Variants in CLCA4 observed in about 807,000 individuals in gnomAD.
CLCA4 encodes chloride channel accessory 4, also known as calcium-activated chloride channel regulator 4.
Under a neutral mutation model 78.9 loss-of-function variants are expected in CLCA4, and 69 were observed. That is an observed-to-expected ratio of 0.87 (90% CI 0.72 to 1.07). The LOEUF (loss-of-function observed/expected upper bound fraction) is 1.07, where lower values mean the gene tolerates loss of function less well. CLCA4 is among the 50% of genes least tolerant of loss of function. The probability of loss-of-function intolerance (pLI) is 0.00; values close to 1 mark genes in which losing one functional copy is unlikely to be tolerated. For synonymous variants in CLCA4, 362 were observed against 375.8 expected, an observed-to-expected ratio of 0.96 and a Z score of 0.42; for missense variants, 1,133 against 1,095.8, an observed-to-expected ratio of 1.03 and a Z score of -0.48.
chr1:86,558,875 T>A (rs1333816378), intron 1 of CLCA4, among the ~76,000 whole-genome samples: 1 of 152,140 alleles, frequency 6.6e-6, no homozygotes, highest in Non-Finnish European at 1.5e-5. Flanking sequence ...CAGCTTCCAA[T>A]CTCTTCTGGC....
In CLCA4 at chr1:86,567,479, C is replaced by CTTTG. The variant is rs1233024541; in HGVS notation, c.1011_1012insTTGT (p.Val338LeufsTer3). On this transcript the variant is annotated frameshift_variant, in exon 7 of 14. Transcript: ENST00000370563. LOFTEE classifies it high-confidence loss of function. ...GCAGCAAAACATTTCCTGCTGCAGA[C>CTTTG]TGTTGAAAATGGATCCTGGGTGGGG... 6.2e-7 allele frequency: 1 copy of CTTTG among 1,613,220 alleles called. No individual in the cohort carries two copies. Among genetic ancestry groups the CTTTG allele is most frequent in the Non-Finnish European group, 8.5e-7 (1 of 1,179,490 alleles).
At position 86,580,316 on chromosome 1, in the gene CLCA4, G is replaced by A; in HGVS notation, c.2731G>A (p.Val911Ile). Residue 911 changes from valine to isoleucine, a missense_variant, in exon 14 of 14, where the codon GTT becomes ATT. Transcript: ENST00000370563. Reference protein sequence around the residue: ...VLSVIGSVVIVNFILSTTI With the variant: ...VLSVIGSVVIINFILSTTI ...GTCTGTGATTGGGTCTGTTGTAATT[G>A]TTAACTTTATTTTAAGTACCACCAT... 1.3e-6 allele frequency: 2 copies of A among 1,596,374 alleles called. No homozygotes were observed. Among genetic ancestry groups the A allele is most frequent in the Non-Finnish European group, 1.7e-6 (2 of 1,173,762 alleles).
intron 1 of CLCA4, among the ~76,000 whole-genome samples, chr1:86,555,414 A>G (rs1649808466): frequency 6.6e-6 from 1 of 152,196 alleles, no homozygotes; most frequent in Non-Finnish European, 1.5e-5. Context: ...TTCAATCTGC[A>G]TATGGTTAGC....
chr1:86,569,099 G>A (rs1050299388), intron 7 of CLCA4, among the ~76,000 whole-genome samples: 7 of 152,058 alleles, frequency 4.6e-5, no homozygotes, highest in African/African-American at 1.7e-4. Context: ...TATGGTACAT[G>A]TATATAAGTG....
At chr1:86,553,171 G>GGCAC in intron 1 of CLCA4, 1 of 1,109,206 alleles carries the variant, frequency 9.0e-7, no homozygotes. Context: ...AGGATTGAGC[G>GGCAC]GCACAGGTTG....
rs557227689 is a variant in CLCA4, at chr1:86,548,554, T to A, written c.159+1276T>A. Among the ~76,000 whole-genome samples, 3 of 151,818 alleles carry A rather than the reference T, an allele frequency of 2.0e-5. No individual in the cohort carries two copies. The East Asian group carries it at 5.8e-4, about 30-fold the overall frequency. ...AAAATTAGCTGGGCATGGTGGCACA[T>A]GCCTGTAATCCCAGCTACTCAGGAG... On this transcript the variant is annotated intron_variant, in intron 1 of 13. Coordinates refer to ENST00000370563, the MANE Select transcript of CLCA4 (RefSeq NM_012128.4).
intron 3 of CLCA4, among the ~76,000 whole-genome samples, chr1:86,562,242 G>A (rs1045973680): frequency 3.9e-5 from 6 of 152,178 alleles, no homozygotes; most frequent in Admixed American, 6.5e-5. Flanking sequence ...ACCTGAGAAC[G>A]AATCAAGTCT....
At chr1:86,578,833 A>G (rs1018907129) in intron 12 of CLCA4, among the ~76,000 whole-genome samples, 1 of 152,082 alleles carries the variant, frequency 6.6e-6, no homozygotes, top group Non-Finnish European at 1.5e-5. Flanking sequence ...AGTCAAAAAG[A>G]AAAACAGTGT....
At position 86,561,009 on chromosome 1, in the gene CLCA4, A is replaced by G. The variant is rs571356285; in HGVS notation, c.448+651A>G. Among the ~76,000 whole-genome samples the G allele has an allele frequency of 3.9e-5, 6 of 152,364 alleles. No homozygotes were observed. The South Asian group carries it at 8.3e-4, about 21-fold the overall frequency. On this transcript the variant is annotated intron_variant, in intron 3 of 13. Coordinates refer to ENST00000370563, the MANE Select transcript of CLCA4 (RefSeq NM_012128.4). ...AGGAGGGCTCTACACATGTATCACT[A>G]TTAAATGGGAACCTTGCTGAATCCG...
Position 86,578,299 on chromosome 1 carries a change from AT to A in CLCA4, c.2122+235del, listed in dbSNP as rs370525146. ...CACTCAAAAAAGGTCAATTATTCTT[AT>A]TTTTTTTAACTTTCAGTTTAGGTTT... On this transcript the variant is annotated intron_variant, in intron 12 of 13. Transcript: ENST00000370563. Among the ~76,000 whole-genome samples the A allele has an allele frequency of 3.3e-4, 50 of 151,952 alleles. 1 individual carries two copies. The East Asian group carries it at 8.5e-3, about 26-fold the overall frequency.
In CLCA4 at chr1:86,565,346, C is replaced by G; in HGVS notation, c.630C>G (p.Cys210Trp). The change falls in exon 5 of 14, where the codon TGC becomes TGG. Residue 210 changes from cysteine to tryptophan, a missense_variant. Physicochemically the swap from Cys to Trp is radical, Grantham distance 215. Transcript: ENST00000370563. The stretch of plus-strand genomic sequence containing the variant: ...GAGGCAGCTGTCTTAGTAGAGCATG[C>G]AGAATTGATTCTACAACAAAACTGT... ...CQGGSCLSRACRIDSTTKLYG... is the reference protein window; with the variant it reads ...CQGGSCLSRAWRIDSTTKLYG... The G allele has an allele frequency of 6.2e-7, 1 of 1,608,082 alleles. No homozygotes were observed. Among genetic ancestry groups the G allele is most frequent in the Non-Finnish European group, 8.5e-7 (1 of 1,175,354 alleles).
intron 11 of CLCA4, 92 bp from the exon 12 acceptor site, chr1:86,577,810 T>A (rs1187912728): frequency 3.3e-6 from 3 of 921,366 alleles, no homozygotes; most frequent in Middle Eastern, 2.6e-4. Flanking sequence ...TTAAGCCTAA[T>A]CTAGAGGATA....
chr1:86,578,094 T>C (rs1047340745), intron 12 of CLCA4, 22 bp downstream of exon 12: 7 of 1,593,720 alleles, frequency 4.4e-6, no homozygotes, highest in African/African-American at 4.0e-5. Context: ...ATGATATTTA[T>C]AATCCAGTGA....
At chr1:86,570,944 T>C in intron 7 of CLCA4, 133 bp from the exon 8 acceptor site, 1 of 580,154 alleles carries the variant, frequency 1.7e-6, no homozygotes, top group Non-Finnish European at 2.8e-6. Context: ...AAATTCTTTA[T>C]TTTAAAATAG....
At chr1:86,571,290 G>A (rs1403883607) in intron 8 of CLCA4, 36 bp downstream of exon 8, 1 of 1,569,154 alleles carries the variant, frequency 6.4e-7, no homozygotes, top group Non-Finnish European at 8.7e-7. Flanking sequence ...GCCTTCAATA[G>A]TAATGCATAA....
intron 1 of CLCA4, among the ~76,000 whole-genome samples, chr1:86,554,907 AGAT>A (rs1649789937): frequency 6.6e-6 from 1 of 151,128 alleles, no homozygotes; most frequent in African/African-American, 2.4e-5. Context: ...AACTGGTATG[AGAT>A]GATATCTCAT....
chr1:86,576,305 G>C (rs1232921781), intron 11 of CLCA4, among the ~76,000 whole-genome samples: 1 of 151,860 alleles, frequency 6.6e-6, no homozygotes, highest in Non-Finnish European at 1.5e-5. Flanking sequence ...CTGGGATACA[G>C]GTGTGTGCCA....
At chr1:86,568,018 A>T (rs932256422) in intron 7 of CLCA4, among the ~76,000 whole-genome samples, 5 of 152,034 alleles carry the variant, frequency 3.3e-5, no homozygotes, top group African/African-American at 1.2e-4. Flanking sequence ...GTATGATTCT[A>T]CTTCAAGCTA....
At chr1:86,570,501 C>T (rs1650318670) in intron 7 of CLCA4, among the ~76,000 whole-genome samples, 1 of 152,024 alleles carries the variant, frequency 6.6e-6, no homozygotes. Context: ...AATATGCTTA[C>T]TTCTGTGCCA....
Sources: gnomAD v4.1 joint callset for allele counts (sites outside exome capture counted in the v4.1 genomes callset) on GRCh38, gnomAD v4.1.1 for gene constraint, MANE v1.5 for transcripts, NCBI Gene and HGNC (gene_info 2026-07-23, HGNC 2026-07-21) for gene names.